Variants in SPAG16 observed in about 807,000 individuals in gnomAD.
SPAG16 encodes sperm associated antigen 16.
A neutral mutation model predicts 80.4 loss-of-function variants in SPAG16; 86 were observed. That is an observed-to-expected ratio of 1.07 (90% CI 0.90 to 1.28). The LOEUF is 1.28. Ranked by LOEUF, SPAG16 falls within the 50% of genes most tolerant of loss-of-function variation. SPAG16 has a pLI of 0.00. For synonymous variants in SPAG16, 294 were observed against 265.9 expected (o/e 1.11, Z -1.03); for missense variants, 870 against 765.3 (o/e 1.14, Z -1.61).
intron 12 of SPAG16, among the ~76,000 whole-genome samples, chr2:213,949,179 T>TTTTTTTTTTTTTTTGTTTTTTTTG (rs1575623841): frequency 5.5e-5 from 2 of 36,244 alleles, no homozygotes; most frequent in African/African-American, 1.6e-4. Context: ...GTTTTTTTTT[T>TTTTTTTTTTTTTTTGTTTTTTTTG]TTTTTTTTTT....
chr2:213,786,623 T>G (rs902268140), intron 10 of SPAG16, among the ~76,000 whole-genome samples: 1 of 152,120 alleles, frequency 6.6e-6, no homozygotes, highest in Non-Finnish European at 1.5e-5. Flanking sequence ...TGGCCTCAGA[T>G]AGAAGATGAT....
chr2:213,626,845 A>C (rs2061980213), intron 10 of SPAG16, among the ~76,000 whole-genome samples: 1 of 151,784 alleles, frequency 6.6e-6, no homozygotes, highest in Admixed American at 6.6e-5. Flanking sequence ...ACGGTGTTTC[A>C]CCATGTTGGC....
chr2:214,349,842 T>G (rs1304397380), intron 15 of SPAG16, among the ~76,000 whole-genome samples: 4 of 152,212 alleles, frequency 2.6e-5, no homozygotes, highest in African/African-American at 7.2e-5. Context: ...ATAAGTTATT[T>G]TTTCATGTGC....
At chr2:214,243,603 T>C (rs1689640388) in intron 15 of SPAG16, among the ~76,000 whole-genome samples, 2 of 152,152 alleles carry the variant, frequency 1.3e-5, no homozygotes, top group African/African-American at 4.8e-5. Flanking sequence ...ATACATTATA[T>C]ACTACTAGTG....
intron 12 of SPAG16, among the ~76,000 whole-genome samples, chr2:213,972,813 C>T (rs2106385016): frequency 6.6e-6 from 1 of 152,096 alleles, no homozygotes; most frequent in South Asian, 2.1e-4. Context: ...TAAATATAAC[C>T]ATATACTTTT....
chr2:214,239,403 G>A (rs1244791326), intron 15 of SPAG16: 1 of 151,974 alleles, frequency 6.6e-6, no homozygotes, highest in Non-Finnish European at 1.5e-5. Flanking sequence ...TTTTCATTTT[G>A]CAAAACTGAC....
At chr2:213,735,207 T>C (rs1034177707) in intron 10 of SPAG16, among the ~76,000 whole-genome samples, 3 of 152,160 alleles carry the variant, frequency 2.0e-5, no homozygotes, top group Non-Finnish European at 4.4e-5. Context: ...ACTAAATATG[T>C]AGGTGCTGGT....
At chr2:214,337,634 A>G (rs547719575) in intron 15 of SPAG16, among the ~76,000 whole-genome samples, 1 of 152,196 alleles carries the variant, frequency 6.6e-6, no homozygotes, top group Non-Finnish European at 1.5e-5. Flanking sequence ...TATTTTTTAC[A>G]GGAAAGTGCA....
At chr2:213,674,546 C>T (rs1033841440) in intron 10 of SPAG16, among the ~76,000 whole-genome samples, 1 of 149,548 alleles carries the variant, frequency 6.7e-6, no homozygotes, top group Non-Finnish European at 1.5e-5. Flanking sequence ...TCCCCCACCC[C>T]ACAACAGTCC....
Position 214,118,913 on chromosome 2 carries a change from GA to G in SPAG16, c.1593+10659del, listed in dbSNP as rs1412954714. ...TAGCCAAAGCAATCCTGAGAATAAAGAAAAAAACTGGAGGTATCATACTACC... is the reference window on the plus strand; with the variant it reads ...TAGCCAAAGCAATCCTGAGAATAAAGAAAAAACTGGAGGTATCATACTACC... On this transcript the variant is annotated intron_variant, in intron 14 of 15. Coordinates refer to ENST00000331683, the MANE Select transcript of SPAG16 (RefSeq NM_024532.5). 3.3e-5 allele frequency among the ~76,000 whole-genome samples: 5 copies of G among 151,868 alleles called. No individual in the cohort carries two copies. The East Asian group carries it at 9.7e-4, about 29-fold the overall frequency.
intron 15 of SPAG16, among the ~76,000 whole-genome samples, chr2:214,327,310 C>A (rs1696565961): frequency 6.6e-6 from 1 of 152,138 alleles, no homozygotes; most frequent in East Asian, 1.9e-4. Context: ...TGTCAGAAGA[C>A]AGACAAGGAT....
At chr2:213,797,462 T>A (rs2071115582) in intron 10 of SPAG16, among the ~76,000 whole-genome samples, 2 of 152,192 alleles carry the variant, frequency 1.3e-5, no homozygotes, top group Non-Finnish European at 2.9e-5. Context: ...TTTAGATATG[T>A]TTAGACACAC....
chr2:213,577,763 G>T (rs2060177002), intron 10 of SPAG16, among the ~76,000 whole-genome samples: 1 of 152,116 alleles, frequency 6.6e-6, no homozygotes, highest in Non-Finnish European at 1.5e-5. Flanking sequence ...ATTTGAGAAT[G>T]CAACATGTTG....
intron 9 of SPAG16, among the ~76,000 whole-genome samples, chr2:213,470,570 G>T (rs115641154): frequency 0.015 from 2,218 of 152,340 alleles, 24 homozygotes; most frequent in South Asian, 0.038. Flanking sequence ...TGTGGGCTCA[G>T]TGTTGGTCTC....
chr2:213,620,041 TAAGTA>T (rs1014489069), intron 10 of SPAG16, among the ~76,000 whole-genome samples: 43 of 152,062 alleles, frequency 2.8e-4, no homozygotes, highest in Admixed American at 5.9e-4. Flanking sequence ...GACATTATGC[TAAGTA>T]AAGTAAGGCA....
intron 9 of SPAG16, among the ~76,000 whole-genome samples, chr2:213,476,189 A>G (rs1279360384): frequency 6.6e-6 from 1 of 152,258 alleles, no homozygotes; most frequent in Non-Finnish European, 1.5e-5. Flanking sequence ...AAGAAGGGAT[A>G]GAAGCCACAA....
chr2:213,712,406 C>A (rs1221512895), intron 10 of SPAG16, among the ~76,000 whole-genome samples: 3 of 152,062 alleles, frequency 2.0e-5, no homozygotes, highest in Non-Finnish European at 4.4e-5. Context: ...GACTTCTACC[C>A]ATATAAGATA....
At chr2:214,367,143 T>C (rs1347906633) in intron 15 of SPAG16, among the ~76,000 whole-genome samples, 3 of 152,184 alleles carry the variant, frequency 2.0e-5, no homozygotes, top group African/African-American at 7.2e-5. Flanking sequence ...TATCAAGGAA[T>C]TGAATTTGTA....
intron 10 of SPAG16, among the ~76,000 whole-genome samples, chr2:213,580,331 G>C (rs1204429979): frequency 6.6e-6 from 1 of 151,856 alleles, no homozygotes. Flanking sequence ...TATATCTTTG[G>C]ATCTTCATTT....
Sources: allele counts gnomAD v4.1 joint callset (sites outside exome capture counted in the v4.1 genomes callset), GRCh38; gene constraint gnomAD v4.1.1; transcripts MANE v1.5; gene names NCBI Gene and HGNC (gene_info 2026-07-23, HGNC 2026-07-21).